Variants in CWC27 observed in about 807,000 individuals in gnomAD.
The protein encoded by CWC27 is spliceosome-associated protein CWC27 homolog.
In CWC27, 47 loss-of-function variants were observed where a neutral mutation model predicts 63.6. That is an observed-to-expected ratio of 0.74 (90% CI 0.58 to 0.94). The LOEUF is 0.94. Ranked by LOEUF, CWC27 falls within the 40% of genes least tolerant of loss-of-function variation. The pLI, the probability that CWC27 is intolerant of heterozygous loss-of-function variation, is 0.00. For missense variants in CWC27, 495 were observed against 554.3 expected (o/e 0.89, Z 1.07); for synonymous variants, 175 against 179.8 (o/e 0.97, Z 0.22).
At chr5:64,821,417 A>G (rs553511904) in intron 10 of CWC27, among the ~76,000 whole-genome samples, 1 of 152,334 alleles carries the variant, frequency 6.6e-6, no homozygotes, top group South Asian at 2.1e-4. Flanking sequence ...AATAAACGTG[A>G]AAATATGTTA....
intron 10 of CWC27, among the ~76,000 whole-genome samples, chr5:64,833,592 T>C (rs1449263997): frequency 6.6e-6 from 1 of 151,774 alleles, no homozygotes; most frequent in Non-Finnish European, 1.5e-5. Flanking sequence ...ACTTGTATTG[T>C]TCTATGTAGG....
intron 13 of CWC27, among the ~76,000 whole-genome samples, chr5:64,981,787 G>A (rs1375128995): frequency 6.6e-6 from 1 of 152,134 alleles, no homozygotes; most frequent in African/African-American, 2.4e-5. Context: ...AAAACAGTGT[G>A]GTTTGCTTCT....
chr5:64,840,361 TTAAAAAAAAAAA>T lies in CWC27; in HGVS notation c.938+35976_938+35987del, dbSNP rs1316452281. Among the ~76,000 whole-genome samples, 42 of 35,832 alleles carry T rather than the reference TTAAAAAAAAAAA, an allele frequency of 1.2e-3. 1 individual carries two copies. Among genetic ancestry groups the T allele is most frequent in the South Asian group, 3.8e-3 (2 of 530 alleles). The allele number at this position is 35,832 out of a possible 152,430, so 23.5% of individuals were successfully genotyped here. A position where few individuals can be genotyped will look rare whatever the true frequency, so the allele number is the denominator to read the frequency against. ...CTTTGTGTGTTTTTATCCTTTTTCA[TTAAAAAAAAAAA>T]AAAAAAAAAAAAAAAAAAAAAATAT... is the stretch of plus-strand genomic sequence containing the variant. On this transcript the variant is annotated intron_variant, in intron 10 of 13. Coordinates refer to ENST00000381070, the MANE Select transcript of CWC27 (RefSeq NM_005869.4).
chr5:64,978,014 CAT>C (rs751605875), intron 13 of CWC27, among the ~76,000 whole-genome samples: 16 of 152,252 alleles, frequency 1.1e-4, no homozygotes, highest in Non-Finnish European at 1.9e-4. Flanking sequence ...TGAACCATCA[CAT>C]GTGCCATTAC....
At position 64,804,382 on chromosome 5, in the gene CWC27, C is replaced by T. The variant is rs770234813; in HGVS notation, c.934C>T (p.Arg312Cys). 1.4e-5 allele frequency: 23 copies of T among 1,609,492 alleles called. No individual in the cohort carries two copies. The highest frequency in any genetic ancestry group is 2.2e-5 in the East Asian group (1 of 44,700). ...EGEVEKKSVS[R>C]SEELRKEARQ... is the part of the protein sequence containing the mutation. Reference sequence around the variant, plus strand: ...AGAAGTGGAGAAGAAATCAGTCAGCCGCAGGTGAGTCAGTTACTGTGCTAG... The same window carrying T: ...AGAAGTGGAGAAGAAATCAGTCAGCTGCAGGTGAGTCAGTTACTGTGCTAG... The change falls in exon 10 of 14, where the codon CGC becomes TGC. Residue 312 changes from arginine (R) to cysteine (C), a missense_variant. Physicochemically the swap from Arg to Cys is radical, Grantham distance 180. This residue lies in a region of CWC27 where 463 missense variants were observed against 498.1 expected (regional missense o/e 0.93). Coordinates refer to ENST00000381070, the MANE Select transcript of CWC27 (RefSeq NM_005869.4).
chr5:64,770,682 A>G (rs1401720711), intron 1 of CWC27, among the ~76,000 whole-genome samples: 1 of 152,222 alleles, frequency 6.6e-6, no homozygotes, highest in Non-Finnish European at 1.5e-5. Flanking sequence ...AGCATCTGGA[A>G]CAGTACTTGA....
At chr5:64,826,076 A>AATCT (rs148024057) in intron 10 of CWC27, among the ~76,000 whole-genome samples, 59,142 of 147,916 alleles carry the variant, frequency 0.4, 12,112 homozygotes, top group Middle Eastern at 0.5. Flanking sequence ...CTTTGTAATA[A>AATCT]ATCTATCTAT....
At chr5:64,901,475 G>T (rs528599376) in intron 11 of CWC27, among the ~76,000 whole-genome samples, 241 of 151,130 alleles carry the variant, frequency 1.6e-3, no homozygotes, top group Non-Finnish European at 2.7e-3. Context: ...AAAAAAAAAG[G>T]TATAAAAGAT....
rs1561395911 is a variant in CWC27 at position 64,768,990 on chromosome 5, G to A, written c.-157G>A. 3 of 644,498 alleles carry A rather than the reference G, an allele frequency of 4.7e-6. No homozygotes were observed. The highest frequency in any genetic ancestry group is 3.6e-5 in the African/African-American group (2 of 55,254). The allele number at this position is 644,498 out of a possible 1,614,324, so 39.9% of individuals were successfully genotyped here. A position where few individuals can be genotyped will look rare whatever the true frequency, so the allele number is the denominator to read the frequency against. On this transcript the variant is annotated 5_prime_UTR_variant, in exon 1 of 14. Transcript: ENST00000381070. ...CCGTGAGGGGCTCCTTTGGGCAGGG[G>A]TAGTGTTTGGTGTCCCTGTCTTGCG...
At chr5:64,912,204 A>G (rs1747804459) in intron 11 of CWC27, among the ~76,000 whole-genome samples, 1 of 152,138 alleles carries the variant, frequency 6.6e-6, no homozygotes. Flanking sequence ...AGGCACTGGT[A>G]GAAGCCATGT....
intron 10 of CWC27, among the ~76,000 whole-genome samples, chr5:64,811,091 G>A (rs10059206): frequency 0.17 from 25,249 of 151,912 alleles, 2,496 homozygotes; most frequent in East Asian, 0.34. Flanking sequence ...TTGGTATTCA[G>A]CCATAAGAAA....
intron 11 of CWC27, among the ~76,000 whole-genome samples, chr5:64,928,358 TATAATGTTAG>T (rs1748162358): frequency 6.6e-6 from 1 of 152,178 alleles, no homozygotes; most frequent in African/African-American, 2.4e-5. Flanking sequence ...AAGTATACAA[TATAATGTTAG>T]ATAATGACAA....
At chr5:64,944,942 C>G (rs1042958472) in intron 11 of CWC27, among the ~76,000 whole-genome samples, 1 of 151,944 alleles carries the variant, frequency 6.6e-6, no homozygotes, top group Non-Finnish European at 1.5e-5. Flanking sequence ...AAAATCTGTA[C>G]TCTCTCCCCT....
intron 13 of CWC27, among the ~76,000 whole-genome samples, chr5:65,009,640 G>T (rs540381344): frequency 6.6e-6 from 1 of 152,262 alleles, no homozygotes; most frequent in East Asian, 1.9e-4. Flanking sequence ...CATAAGGAAG[G>T]AAGAAACTAA....
chr5:64,939,181 A>G (rs1342159094), intron 11 of CWC27, among the ~76,000 whole-genome samples: 1 of 152,178 alleles, frequency 6.6e-6, no homozygotes, highest in Non-Finnish European at 1.5e-5. Flanking sequence ...TTGGAGGAGA[A>G]GAGGTGTTCT....
chr5:64,819,864 C>G (rs762635973), intron 10 of CWC27, among the ~76,000 whole-genome samples: 1 of 152,168 alleles, frequency 6.6e-6, no homozygotes, highest in African/African-American at 2.4e-5. Context: ...ATTGCAGCAT[C>G]ACTGCTTTCA....
At chr5:65,008,206 T>A (rs1580779644) in intron 13 of CWC27, among the ~76,000 whole-genome samples, 1 of 152,378 alleles carries the variant, frequency 6.6e-6, no homozygotes, top group Admixed American at 6.5e-5. Context: ...TAATGTAAGA[T>A]GTTAGTAATA....
chr5:65,006,718 T>C (rs1749847975), intron 13 of CWC27, among the ~76,000 whole-genome samples: 2 of 150,814 alleles, frequency 1.3e-5, no homozygotes, highest in Admixed American at 1.3e-4. Flanking sequence ...ATAAAAAGAG[T>C]AGGGAAACAT....
At chr5:64,930,410 C>CA (rs1328932320) in intron 11 of CWC27, among the ~76,000 whole-genome samples, 4 of 150,234 alleles carry the variant, frequency 2.7e-5, no homozygotes, top group Non-Finnish European at 4.4e-5. Context: ...ATAAAAAGTG[C>CA]AAAAAACAAT....
Sources: allele counts gnomAD v4.1 joint callset (sites outside exome capture counted in the v4.1 genomes callset), GRCh38; gene constraint gnomAD v4.1.1; regional missense constraint gnomAD v4.1.1; transcripts MANE v1.5; gene names NCBI Gene and HGNC (gene_info 2026-07-23, HGNC 2026-07-21).